KIF15: variants seen among roughly 807,000 people sequenced by gnomAD.
The protein encoded by KIF15 is kinesin-like protein KIF15.
A neutral mutation model predicts 190.6 loss-of-function variants in KIF15; 140 were observed. That is an observed-to-expected ratio of 0.73 (90% CI 0.64 to 0.84). The LOEUF (loss-of-function observed/expected upper bound fraction) is 0.84. Ranked by LOEUF, KIF15 falls within the 40% of genes least tolerant of loss-of-function variation. The pLI is 0.00. For synonymous variants in KIF15, 528 were observed against 551.3 expected, an observed-to-expected ratio of 0.96 and a Z score of 0.59; for missense variants, 1,372 against 1,584.4, an observed-to-expected ratio of 0.87 and a Z score of 2.28.
downstream of KIF15, among the ~76,000 whole-genome samples, chr3:44,855,197 T>G (rs1271907925): frequency 6.6e-6 from 1 of 152,150 alleles, no homozygotes; most frequent in Non-Finnish European, 1.5e-5. Context: ...GGAGCAATGT[T>G]TTGCAGGCAG....
At chr3:44,790,949 G>A (rs1441054955) in intron 7 of KIF15, among the ~76,000 whole-genome samples, 1 of 152,068 alleles carries the variant, frequency 6.6e-6, no homozygotes, top group African/African-American at 2.4e-5. Context: ...CCAAAGTGCT[G>A]GGATTACAGG....
At chr3:44,762,035 T>C (rs1255902683) in intron 1 of KIF15, 151 bp downstream of exon 1, 4 of 961,868 alleles carry the variant, frequency 4.2e-6, no homozygotes, top group Non-Finnish European at 6.6e-6. Flanking sequence ...TCCCGCTCTG[T>C]CGCTCAAAGA....
Position 44,810,962 on chromosome 3 carries a change from T to C in KIF15, c.2088T>C (p.Asn696=), listed in dbSNP as rs1707757261. The C allele has an allele frequency of 6.2e-7, 1 of 1,613,740 alleles. No homozygotes were observed. Among genetic ancestry groups the C allele is most frequent in the Non-Finnish European group, 8.5e-7 (1 of 1,179,760 alleles). The stretch of plus-strand genomic sequence containing the variant: ...CTCAGAATTCTAGCATATTAGATAA[T>C]GATATATTAAATGAGCCAGTTCCTC... ...LYTQNSSILD[N]DILNEPVPPE... is the part of the protein sequence containing the mutation. Residue 696 remains asparagine, a synonymous_variant, in exon 17 of 35, where the codon AAT becomes AAC. Coordinates refer to ENST00000326047, the MANE Select transcript of KIF15 (RefSeq NM_020242.3).
At chr3:44,799,595 G>A (rs1369704642) in intron 10 of KIF15, among the ~76,000 whole-genome samples, 1 of 141,622 alleles carries the variant, frequency 7.1e-6, no homozygotes, top group Non-Finnish European at 1.5e-5. Flanking sequence ...GTCTCGCTCT[G>A]TCAACAGGCT....
At chr3:44,778,462 A>C (rs1706000734) in intron 4 of KIF15, among the ~76,000 whole-genome samples, 1 of 152,194 alleles carries the variant, frequency 6.6e-6, no homozygotes, top group Non-Finnish European at 1.5e-5. Flanking sequence ...CTTAGCTTAC[A>C]GCCCTGTTTA....
intron 6 of KIF15, chr3:44,861,916 G>A: frequency 2.0e-6 from 3 of 1,476,138 alleles, no homozygotes; most frequent in South Asian, 1.3e-5. Flanking sequence ...CACGGTGTCA[G>A]CAGGCAACAT....
At chr3:44,764,897 A>G (rs1410432981) in intron 1 of KIF15, among the ~76,000 whole-genome samples, 1 of 152,226 alleles carries the variant, frequency 6.6e-6, no homozygotes, top group Non-Finnish European at 1.5e-5. Context: ...TTGGTCTCCC[A>G]AAGTGTTGGG....
At chr3:44,780,328 A>G (rs1681679238) in intron 4 of KIF15, among the ~76,000 whole-genome samples, 1 of 152,106 alleles carries the variant, frequency 6.6e-6, no homozygotes, top group South Asian at 2.1e-4. Flanking sequence ...TAGCATAAGA[A>G]TTTTTTTATT....
At chr3:44,771,525 T>C (rs770595362) in intron 1 of KIF15, among the ~76,000 whole-genome samples, 1 of 152,216 alleles carries the variant, frequency 6.6e-6, no homozygotes, top group Non-Finnish European at 1.5e-5. Flanking sequence ...AAAAGCCAGG[T>C]GTCAGGAAAG....
At chr3:44,855,544 C>T (rs561038363), downstream of KIF15, among the ~76,000 whole-genome samples, 16 of 151,836 alleles carry the variant, frequency 1.1e-4, 1 homozygote, top group South Asian at 4.2e-4. Context: ...GTTGGAGTGG[C>T]GAAAAATTTT....
chr3:44,863,872 C>T (rs1699291184), intron 6 of KIF15: 1 of 320,238 alleles, frequency 3.1e-6, no homozygotes, highest in East Asian at 5.8e-5. Context: ...TCTTCAAGCA[C>T]TGGTCATTGT....
chr3:44,785,552 T>C (rs772983090), intron 6 of KIF15, among the ~76,000 whole-genome samples: 22 of 152,232 alleles, frequency 1.4e-4, no homozygotes, highest in Non-Finnish European at 3.1e-4. Context: ...CATTAGTGTT[T>C]TATGTTCCAT....
chr3:44,820,562 A>G (rs1485903568), intron 20 of KIF15, among the ~76,000 whole-genome samples: 2 of 151,972 alleles, frequency 1.3e-5, no homozygotes, highest in African/African-American at 4.8e-5. Context: ...CTTAACGAGC[A>G]TGCTGCCTTC....
At chr3:44,855,361 A>C (rs2125735650), downstream of KIF15, among the ~76,000 whole-genome samples, 1 of 152,342 alleles carries the variant, frequency 6.6e-6, no homozygotes, top group East Asian at 1.9e-4. Flanking sequence ...ACAATGGTGG[A>C]ATGTCATCAA....
intron 6 of KIF15, chr3:44,864,956 C>G (rs932830070): frequency 1.5e-5 from 23 of 1,566,540 alleles, no homozygotes; most frequent in Non-Finnish European, 1.9e-5. Context: ...CTCCTGGCAC[C>G]CTTAGAAGGA....
At chr3:44,813,614 T>C (rs1476765693) in intron 19 of KIF15, among the ~76,000 whole-genome samples, 4 of 143,196 alleles carry the variant, frequency 2.8e-5, no homozygotes, top group Non-Finnish European at 6.0e-5. Flanking sequence ...CATTTTTTTT[T>C]TGTTTTGTTT....
In KIF15 at chr3:44,784,874, A is replaced by C; in HGVS notation, c.391A>C (p.Asn131His). Residue 131 changes from asparagine (N) to histidine (H), a missense_variant, in exon 6 of 35, where the codon AAC becomes CAC. Transcript: ENST00000326047. ...GPSESDNFSHNLRGVIPRSFE... is the reference protein window; with the variant it reads ...GPSESDNFSHHLRGVIPRSFE... ...ATCTGAATCTGATAATTTTTCTCATAACCTGAGAGGAGTAATCCCACGAAG... is the reference window on the plus strand; with the variant it reads ...ATCTGAATCTGATAATTTTTCTCATCACCTGAGAGGAGTAATCCCACGAAG... 1 of 1,570,208 alleles carries C rather than the reference A, an allele frequency of 6.4e-7. No individual in the cohort carries two copies. Among genetic ancestry groups the C allele is most frequent in the East Asian group, 2.3e-5 (1 of 43,974 alleles).
At chr3:44,789,689 T>TATATATAA in intron 7 of KIF15, among the ~76,000 whole-genome samples, 1 of 97,790 alleles carries the variant, frequency 1.0e-5, no homozygotes, top group African/African-American at 3.9e-5. Flanking sequence ...TATATATATA[T>TATATATAA]ATAAAATAGA....
intron 13 of KIF15, 79 bp downstream of exon 13, chr3:44,802,053 T>G (rs1048553263): frequency 7.4e-6 from 7 of 941,554 alleles, no homozygotes; most frequent in Admixed American, 5.2e-5. Flanking sequence ...AAGTACTTGT[T>G]CTTTAATACA....
Sources: allele counts gnomAD v4.1 joint callset (sites outside exome capture counted in the v4.1 genomes callset), GRCh38; gene constraint gnomAD v4.1.1; transcripts MANE v1.5; gene names NCBI Gene and HGNC (gene_info 2026-07-23, HGNC 2026-07-21).